LUZP2: variants seen among roughly 807,000 people sequenced by gnomAD.
LUZP2 encodes leucine zipper protein 2.
A neutral mutation model predicts 51.6 loss-of-function variants in LUZP2; 52 were observed. The ratio of observed to expected loss-of-function variants is 1.01; its 90% CI spans 0.81 to 1.27. LUZP2 has a LOEUF of 1.27. Ranked by LOEUF, LUZP2 falls within the 50% of genes most tolerant of loss-of-function variation. The pLI, the probability that LUZP2 is intolerant of heterozygous loss-of-function variation, is 0.00. For missense variants in LUZP2, 436 were observed against 395.4 expected (o/e 1.10, Z -0.87); for synonymous variants, 154 against 137.3 (o/e 1.12, Z -0.85).
At position 25,070,986 on chromosome 11, in the gene LUZP2, ACAGATGAAAAAC is replaced by A. The variant is rs575979220; in HGVS notation, c.859-6342_859-6331del. Among the ~76,000 whole-genome samples, 817 of 152,024 alleles carry A rather than the reference ACAGATGAAAAAC, an allele frequency of 5.4e-3. 8 individuals are homozygous for A. The highest frequency in any genetic ancestry group is 0.019 in the African/African-American group (777 of 41,496). On this transcript the variant is annotated intron_variant, in intron 10 of 11. Coordinates refer to ENST00000336930, the MANE Select transcript of LUZP2 (RefSeq NM_001009909.4). ...TCTTGTGGCAGGGTCCAAAAATTCC[ACAGATGAAAAAC>A]AGAGCCCTATTCATGTAAACTGACA... is the stretch of plus-strand genomic sequence containing the variant.
At chr11:24,879,775 A>G (rs1852398101) in intron 5 of LUZP2, among the ~76,000 whole-genome samples, 1 of 151,962 alleles carries the variant, frequency 6.6e-6, no homozygotes, top group Non-Finnish European at 1.5e-5. Context: ...CTGGAAAGGG[A>G]GCCTCACAAT....
At chr11:25,021,591 T>C (rs1857335233) in intron 9 of LUZP2, among the ~76,000 whole-genome samples, 2 of 151,924 alleles carry the variant, frequency 1.3e-5, no homozygotes, top group African/African-American at 4.8e-5. Context: ...AGAAGAATAG[T>C]TGAGCTACTG....
chr11:24,991,878 G>T (rs1473308602), intron 9 of LUZP2, among the ~76,000 whole-genome samples: 1 of 151,900 alleles, frequency 6.6e-6, no homozygotes, highest in African/African-American at 2.4e-5. Flanking sequence ...TTTGGGAATT[G>T]CCTATTTATG....
intron 8 of LUZP2, among the ~76,000 whole-genome samples, chr11:24,982,272 G>T (rs1856055990): frequency 6.6e-6 from 1 of 151,774 alleles, no homozygotes; most frequent in South Asian, 2.1e-4. Context: ...ACACCAAGAG[G>T]AATATACATT....
chr11:24,994,547 T>C (rs921061504), intron 9 of LUZP2, among the ~76,000 whole-genome samples: 7 of 152,222 alleles, frequency 4.6e-5, no homozygotes, highest in African/African-American at 1.4e-4. Flanking sequence ...TATTTTAAAA[T>C]GAGGAAGTGG....
chr11:24,991,379 T>C (rs1302810386), intron 9 of LUZP2, among the ~76,000 whole-genome samples: 2 of 97,814 alleles, frequency 2.0e-5, no homozygotes, highest in African/African-American at 7.5e-5. Flanking sequence ...TATATATATG[T>C]GTGTGTGTGT....
At chr11:24,685,025 CTGTGTGTGTGTGTG>C (rs5741709) in intron 1 of LUZP2, among the ~76,000 whole-genome samples, 11 of 147,934 alleles carry the variant, frequency 7.4e-5, no homozygotes, top group East Asian at 6.2e-4. Context: ...GTATTTTGCT[CTGTGTGTGTGTGTG>C]TGTGTGTGTG....
intron 9 of LUZP2, among the ~76,000 whole-genome samples, chr11:25,029,154 A>C (rs1036797693): frequency 6.6e-6 from 1 of 152,146 alleles, no homozygotes; most frequent in East Asian, 1.9e-4. Flanking sequence ...AAGAATAAAT[A>C]AGACCTACTA....
At chr11:24,605,592 C>T (rs1853890034) in intron 1 of LUZP2, among the ~76,000 whole-genome samples, 1 of 151,574 alleles carries the variant, frequency 6.6e-6, no homozygotes, top group African/African-American at 2.4e-5. Flanking sequence ...TGATAATTTT[C>T]TTACGGTATT....
At chr11:24,877,431 T>C (rs2134282921) in intron 5 of LUZP2, among the ~76,000 whole-genome samples, 1 of 152,222 alleles carries the variant, frequency 6.6e-6, no homozygotes, top group South Asian at 2.1e-4. Context: ...CTTAAAAATA[T>C]GTATTTTTTA....
chr11:25,078,596 G>T lies in LUZP2; in HGVS notation c.979G>T (p.Ala327Ser). 6.2e-7 allele frequency: 1 copy of T among 1,612,408 alleles called. No individual in the cohort carries two copies. Among genetic ancestry groups the T allele is most frequent in the Non-Finnish European group, 8.5e-7 (1 of 1,179,560 alleles). ...TTGCTCTGAATGTGAGGTGAAAAAA[G>T]CCCCAGAAAAACCATTGACCAGCTT... ...PPCSECEVKK[A>S]PEKPLTSFEG... Residue 327 changes from alanine to serine, a missense_variant, in exon 12 of 12, where the codon GCC becomes TCC. Physicochemically the swap from Ala to Ser is moderately conservative, Grantham distance 99. Coordinates refer to ENST00000336930, the MANE Select transcript of LUZP2 (RefSeq NM_001009909.4).
intron 1 of LUZP2, among the ~76,000 whole-genome samples, chr11:24,652,115 TG>T (rs1855645819): frequency 1.6e-3 from 1 of 624 alleles, no homozygotes; most frequent in Non-Finnish European, 0.025. Flanking sequence ...TATGTGTTTG[TG>T]TGTGTGTGTG....
chr11:24,573,766 C>CCAGG (rs34835010), intron 1 of LUZP2, among the ~76,000 whole-genome samples: 25,675 of 151,882 alleles, frequency 0.17, 2,649 homozygotes, highest in Middle Eastern at 0.35. Context: ...TACATATTCA[C>CCAGG]CAGGCCTAGA....
chr11:24,983,464 G>C (rs996611417), intron 9 of LUZP2, among the ~76,000 whole-genome samples, 171 bp downstream of exon 9: 2 of 151,794 alleles, frequency 1.3e-5, no homozygotes, highest in Admixed American at 1.3e-4. Context: ...ATAGTCACTA[G>C]AAGAATGTTG....
At chr11:24,741,599 T>C (rs1336143033) in intron 4 of LUZP2, among the ~76,000 whole-genome samples, 1 of 151,240 alleles carries the variant, frequency 6.6e-6, no homozygotes, top group African/African-American at 2.4e-5. Flanking sequence ...CAAAGTCCAT[T>C]GTATCATTCT....
At chr11:25,003,558 G>T (rs1166850827) in intron 9 of LUZP2, among the ~76,000 whole-genome samples, 1 of 152,168 alleles carries the variant, frequency 6.6e-6, no homozygotes, top group East Asian at 1.9e-4. Flanking sequence ...TCCTAGAATT[G>T]GGGTGTTGCA....
intron 1 of LUZP2, among the ~76,000 whole-genome samples, chr11:24,559,946 T>G (rs184219910): frequency 4.0e-5 from 6 of 151,884 alleles, no homozygotes; most frequent in Admixed American, 3.9e-4. Flanking sequence ...TTTAGGGAGG[T>G]AGATAAATCA....
chr11:24,926,386 TATAC>T (rs1854255358), intron 7 of LUZP2, among the ~76,000 whole-genome samples: 1 of 63,964 alleles, frequency 1.6e-5, no homozygotes, highest in African/African-American at 5.3e-5. Context: ...TGTGTATATA[TATAC>T]GTGTGTATAT....
chr11:24,847,405 C>T (rs1221166549), intron 5 of LUZP2, among the ~76,000 whole-genome samples: 1 of 152,108 alleles, frequency 6.6e-6, no homozygotes, highest in East Asian at 1.9e-4. Flanking sequence ...AGTATACAGA[C>T]ATTTCGTTCT....
Sources: allele counts gnomAD v4.1 joint callset (sites outside exome capture counted in the v4.1 genomes callset), GRCh38; gene constraint gnomAD v4.1.1; transcripts MANE v1.5; gene names NCBI Gene and HGNC (gene_info 2026-07-23, HGNC 2026-07-21).